Variants in NLGN1 observed in about 807,000 individuals in gnomAD.
NLGN1 encodes the protein neuroligin 1, also known as neuroligin-1.
In NLGN1, 12 loss-of-function variants were observed where a neutral mutation model predicts 65.5. The observed-to-expected ratio is 0.18, with a 90% CI of 0.12 to 0.30. NLGN1 has a LOEUF of 0.30. NLGN1 is among the 10% of genes least tolerant of loss of function. NLGN1 has a pLI of 1.00. For synonymous variants in NLGN1, 350 were observed against 359.5 expected, an observed-to-expected ratio of 0.97 and a Z score of 0.30; for missense variants, 750 against 1,007.1, an observed-to-expected ratio of 0.74 and a Z score of 3.46.
intron 4 of NLGN1, among the ~76,000 whole-genome samples, chr3:173,822,720 T>TA (rs1223762447): frequency 6.6e-6 from 1 of 152,084 alleles, no homozygotes; most frequent in Non-Finnish European, 1.5e-5. Flanking sequence ...TGGGTTTGAA[T>TA]AAAAAAGAGC....
chr3:173,926,379 C>T lies in NLGN1; in HGVS notation c.646+118547C>T, dbSNP rs188138008. On this transcript the variant is annotated intron_variant, in intron 4 of 6. Transcript: ENST00000457714. ...TCTAAATAATACTTTTTTATTTCAT[C>T]ATTTTCCCTAACCACAAAAGTCAAG... is the stretch of plus-strand genomic sequence containing the variant. Among the ~76,000 whole-genome samples the T allele has an allele frequency of 2.0e-5, 3 of 152,242 alleles. No homozygotes were observed. In the East Asian group the frequency reaches 5.8e-4, roughly 29 times the overall value.
chr3:173,488,271 T>C (rs1728483319), intron 2 of NLGN1, among the ~76,000 whole-genome samples: 1 of 152,074 alleles, frequency 6.6e-6, no homozygotes, highest in Non-Finnish European at 1.5e-5. Flanking sequence ...TGATTTGTTT[T>C]AGTTCCAATT....
At chr3:174,036,434 A>G (rs996740886) in intron 4 of NLGN1, among the ~76,000 whole-genome samples, 2 of 152,266 alleles carry the variant, frequency 1.3e-5, no homozygotes, top group East Asian at 1.9e-4. Flanking sequence ...ATAAAGATCA[A>G]TAGTGTAATT....
At chr3:174,276,151 T>TC (rs1014994822) in intron 5 of NLGN1, among the ~76,000 whole-genome samples, 6 of 151,980 alleles carry the variant, frequency 3.9e-5, no homozygotes, top group Admixed American at 2.6e-4. Context: ...GCATTATTTT[T>TC]CCCCCTAAAC....
At chr3:173,657,928 ATTG>A (rs559865932) in intron 3 of NLGN1, among the ~76,000 whole-genome samples, 11 of 151,848 alleles carry the variant, frequency 7.2e-5, no homozygotes, top group Non-Finnish European at 1.2e-4. Context: ...TTTATGCCTG[ATTG>A]TACTGGTAGA....
At chr3:173,627,858 C>T (rs1755055583) in intron 3 of NLGN1, among the ~76,000 whole-genome samples, 1 of 150,718 alleles carries the variant, frequency 6.6e-6, no homozygotes, top group African/African-American at 2.4e-5. Context: ...AAAATGTTGG[C>T]TGTTCAGAAA....
At chr3:173,682,825 G>C (rs1183678799) in intron 3 of NLGN1, among the ~76,000 whole-genome samples, 2 of 151,990 alleles carry the variant, frequency 1.3e-5, no homozygotes, top group East Asian at 3.9e-4. Flanking sequence ...TGTTACCTGA[G>C]GTGTCAATGA....
chr3:173,415,772 T>C lies in NLGN1; in HGVS notation c.-390+17285T>C, dbSNP rs559127033. ...TCAGAAATTGGATGGATTCAGGGTATAGGCCTTAAAATCAGAGGAGCCTCT... is the reference window on the plus strand; with the variant it reads ...TCAGAAATTGGATGGATTCAGGGTACAGGCCTTAAAATCAGAGGAGCCTCT... On this transcript the variant is annotated intron_variant, in intron 1 of 6. Coordinates refer to ENST00000457714, the Ensembl canonical transcript of NLGN1. 5.5e-4 allele frequency among the ~76,000 whole-genome samples: 83 copies of C among 152,162 alleles called. No individual in the cohort carries two copies. The Middle Eastern group carries it at 0.01, about 19-fold the overall frequency.
chr3:174,035,164 G>A (rs1730862012), intron 4 of NLGN1, among the ~76,000 whole-genome samples: 1 of 151,668 alleles, frequency 6.6e-6, no homozygotes, highest in African/African-American at 2.4e-5. Flanking sequence ...ATTGGTGAGT[G>A]GTATTTACTC....
intron 4 of NLGN1, among the ~76,000 whole-genome samples, chr3:173,959,179 C>T (rs116717002): frequency 0.017 from 2,652 of 152,312 alleles, 39 homozygotes; most frequent in African/African-American, 0.046. Flanking sequence ...CAGGGATGCC[C>T]GGGTCCACAG....
intron 4 of NLGN1, among the ~76,000 whole-genome samples, chr3:173,836,206 T>C (rs1470209214): frequency 6.6e-6 from 1 of 152,192 alleles, no homozygotes; most frequent in Non-Finnish European, 1.5e-5. Context: ...CCTAACTTTA[T>C]GATGCCTAGT....
At chr3:173,534,330 A>G (rs747311781) in intron 2 of NLGN1, among the ~76,000 whole-genome samples, 1 of 152,166 alleles carries the variant, frequency 6.6e-6, no homozygotes, top group South Asian at 2.1e-4. Flanking sequence ...ATCATGTTCA[A>G]TTTGCCCTTC....
At chr3:173,950,633 C>T (rs138244062) in intron 4 of NLGN1, among the ~76,000 whole-genome samples, 410 of 151,780 alleles carry the variant, frequency 2.7e-3, no homozygotes, top group Admixed American at 3.9e-3. Flanking sequence ...GCCAATGTGG[C>T]GAAACCCTGT....
chr3:173,910,480 C>CT (rs907313296), intron 4 of NLGN1: 3 of 152,108 alleles, frequency 2.0e-5, no homozygotes, highest in Non-Finnish European at 4.4e-5. Flanking sequence ...TTTTATTTTG[C>CT]TTTACAGTGA....
rs112928198 is a variant in NLGN1, at chr3:173,672,620, G to T, written c.493+67529G>T. Among the ~76,000 whole-genome samples, 1,501 of 152,280 alleles carry T rather than the reference G, an allele frequency of 9.9e-3. 30 individuals carry two copies. Among genetic ancestry groups the T allele is most frequent in the African/African-American group, 0.035 (1,435 of 41,554 alleles). On this transcript the variant is annotated intron_variant, in intron 3 of 6. Transcript: ENST00000457714. ...CTTGAATGGGAGAGCCATGTAGATT[G>T]CCTACAAGAAGGCTGACACCTTCAA...
intron 4 of NLGN1, among the ~76,000 whole-genome samples, chr3:173,909,798 C>T (rs564059007): frequency 1.3e-5 from 2 of 152,274 alleles, no homozygotes; most frequent in South Asian, 4.1e-4. Flanking sequence ...CCTGCCTCAG[C>T]CTCCTGAGTA....
chr3:173,744,259 A>G (rs1303078321), intron 3 of NLGN1, among the ~76,000 whole-genome samples: 6 of 152,098 alleles, frequency 3.9e-5, no homozygotes, highest in African/African-American at 1.4e-4. Flanking sequence ...AATGGATGCT[A>G]CTCAATAGGT....
intron 3 of NLGN1, among the ~76,000 whole-genome samples, chr3:173,749,691 A>G (rs720699): frequency 0.36 from 55,217 of 151,888 alleles, 11,854 homozygotes; most frequent in Non-Finnish European, 0.49. Context: ...TAATATTAAC[A>G]TATACACATA....
intron 2 of NLGN1, among the ~76,000 whole-genome samples, chr3:173,497,251 G>C (rs1176041756): frequency 6.6e-6 from 1 of 151,710 alleles, no homozygotes; most frequent in Non-Finnish European, 1.5e-5. Flanking sequence ...AGGCATGGCG[G>C]TATGCTCCTG....
Sources: gnomAD v4.1 joint callset for allele counts (sites outside exome capture counted in the v4.1 genomes callset) on GRCh38, gnomAD v4.1.1 for gene constraint, MANE v1.5 for transcripts, NCBI Gene and HGNC (gene_info 2026-07-23, HGNC 2026-07-21) for gene names.